The following THSD7B variants were observed in gnomAD, a reference collection of about 807,000 sequenced individuals.
The protein encoded by THSD7B is thrombospondin type-1 domain-containing protein 7B.
THSD7B carries 138 observed loss-of-function variants against 213.6 expected under a neutral mutation model. That is an observed-to-expected ratio of 0.65 (90% CI 0.56 to 0.74). The LOEUF (loss-of-function observed/expected upper bound fraction) is 0.74. THSD7B is among the 30% of genes least tolerant of loss of function. The probability of loss-of-function intolerance (pLI) is 0.00; values close to 1 mark genes in which losing one functional copy is unlikely to be tolerated. For synonymous variants in THSD7B, 742 were observed against 687.0 expected (o/e 1.08, Z -1.25); for missense variants, 1,931 against 1,991.5 (o/e 0.97, Z 0.58).
chr2:137,061,975 A>G (rs1687282374), intron 3 of THSD7B, among the ~76,000 whole-genome samples: 1 of 151,804 alleles, frequency 6.6e-6, no homozygotes, highest in African/African-American at 2.4e-5. Flanking sequence ...TCTGGACCTC[A>G]TGCTTTCTGA....
At chr2:137,162,032 T>A (rs902946642) in intron 6 of THSD7B, among the ~76,000 whole-genome samples, 4 of 152,192 alleles carry the variant, frequency 2.6e-5, no homozygotes, top group Non-Finnish European at 5.9e-5. Flanking sequence ...CAAGTAGATC[T>A]GGGAGACTCT....
At chr2:137,140,108 G>T (rs1390834666) in intron 5 of THSD7B, among the ~76,000 whole-genome samples, 1 of 152,008 alleles carries the variant, frequency 6.6e-6, no homozygotes, top group Admixed American at 6.6e-5. Flanking sequence ...TATTATAAAT[G>T]AATTGGCATA....
At chr2:137,408,793 C>T (rs1217492018) in intron 13 of THSD7B, among the ~76,000 whole-genome samples, 2 of 152,158 alleles carry the variant, frequency 1.3e-5, no homozygotes, top group Admixed American at 1.3e-4. Context: ...GTCTTCAAAG[C>T]CAGCAACATT....
At chr2:137,275,251 C>A (rs1682840426) in intron 11 of THSD7B, among the ~76,000 whole-genome samples, 1 of 152,062 alleles carries the variant, frequency 6.6e-6, no homozygotes, top group Admixed American at 6.6e-5. Flanking sequence ...ACAGCAGGTC[C>A]ATTCCTCTTT....
chr2:137,581,927 C>G (rs193057046), intron 17 of THSD7B, among the ~76,000 whole-genome samples: 24 of 151,490 alleles, frequency 1.6e-4, no homozygotes, highest in Middle Eastern at 6.8e-3. Flanking sequence ...TAAAAACTCC[C>G]TCTCTTTAAA....
intron 12 of THSD7B, among the ~76,000 whole-genome samples, chr2:137,405,274 C>T (rs1686489487): frequency 1.3e-5 from 2 of 149,784 alleles, no homozygotes; most frequent in Non-Finnish European, 3.0e-5. Context: ...TTTGTGTTAT[C>T]ATCTTACTCT....
intron 3 of THSD7B, among the ~76,000 whole-genome samples, chr2:137,078,498 C>T (rs1687677327): frequency 6.6e-6 from 1 of 152,066 alleles, no homozygotes; most frequent in Admixed American, 6.6e-5. Flanking sequence ...ATGTGTTTCT[C>T]TCCTCAGCTA....
intron 2 of THSD7B, among the ~76,000 whole-genome samples, chr2:136,958,758 T>TCAAC (rs1386305460): frequency 1.3e-5 from 2 of 152,204 alleles, no homozygotes; most frequent in African/African-American, 4.8e-5. Flanking sequence ...TTTCAGTTGA[T>TCAAC]TAGATCAAGC....
chr2:137,584,141 T>C (rs1681654859), intron 17 of THSD7B, among the ~76,000 whole-genome samples: 1 of 152,184 alleles, frequency 6.6e-6, no homozygotes, highest in African/African-American at 2.4e-5. Context: ...TCACTGTTCG[T>C]CTGTTATTGC....
intron 15 of THSD7B, among the ~76,000 whole-genome samples, chr2:137,486,170 T>C (rs1688438650): frequency 6.6e-6 from 1 of 152,132 alleles, no homozygotes; most frequent in Non-Finnish European, 1.5e-5. Flanking sequence ...GTAAATGGAC[T>C]AAATGCTCCA....
chr2:137,193,620 G>A (rs1013509582), intron 7 of THSD7B, among the ~76,000 whole-genome samples: 14 of 152,058 alleles, frequency 9.2e-5, no homozygotes, highest in African/African-American at 3.4e-4. Context: ...GCTCTTGGCA[G>A]GTCCTTTGTC....
At chr2:137,280,985 G>A (rs759509666) in intron 12 of THSD7B, among the ~76,000 whole-genome samples, 30 of 152,182 alleles carry the variant, frequency 2.0e-4, no homozygotes, top group Non-Finnish European at 3.8e-4. Context: ...TTATCAGCCC[G>A]TGAGTATACT....
intron 12 of THSD7B, among the ~76,000 whole-genome samples, chr2:137,286,092 C>G (rs1056426982): frequency 4.8e-5 from 7 of 145,126 alleles, no homozygotes; most frequent in African/African-American, 1.3e-4. Context: ...GAGAGAGACT[C>G]TGTCTAAAAA....
At chr2:137,658,216 T>A (rs1000030128) in intron 24 of THSD7B, among the ~76,000 whole-genome samples, 6 of 152,232 alleles carry the variant, frequency 3.9e-5, no homozygotes, top group African/African-American at 1.4e-4. Flanking sequence ...AATAATTTAC[T>A]TTAAGCTACT....
At chr2:136,916,360 A>G (rs1001984219) in intron 2 of THSD7B, among the ~76,000 whole-genome samples, 1 of 152,186 alleles carries the variant, frequency 6.6e-6, no homozygotes, top group African/African-American at 2.4e-5. Flanking sequence ...CATGAAGCAG[A>G]CCTGGTAAAA....
intron 1 of THSD7B, among the ~76,000 whole-genome samples, chr2:136,872,876 T>C (rs1458091386): frequency 1.4e-5 from 2 of 144,440 alleles, no homozygotes; most frequent in Admixed American, 6.9e-5. Context: ...TCCCAGCTAC[T>C]TGGATTTATA....
At chr2:137,217,823 A>T (rs1056833545) in intron 7 of THSD7B, among the ~76,000 whole-genome samples, 4 of 152,110 alleles carry the variant, frequency 2.6e-5, no homozygotes, top group African/African-American at 7.2e-5. Flanking sequence ...CATAAGATAC[A>T]TCATTTTCTT....
intron 1 of THSD7B, among the ~76,000 whole-genome samples, chr2:136,796,054 G>A (rs1682056307): frequency 6.6e-6 from 1 of 150,834 alleles, no homozygotes; most frequent in Non-Finnish European, 1.5e-5. Context: ...AAAGTGTTCT[G>A]TCCTCTCTGA....
chr2:136,923,216 C>T (rs1213994980), intron 2 of THSD7B, among the ~76,000 whole-genome samples: 1 of 152,064 alleles, frequency 6.6e-6, no homozygotes, highest in Non-Finnish European at 1.5e-5. Context: ...CAAGATTTGC[C>T]CTTTTTGGAC....
Sources: allele counts gnomAD v4.1 joint callset (sites outside exome capture counted in the v4.1 genomes callset), GRCh38; gene constraint gnomAD v4.1.1; transcripts MANE v1.5; gene names NCBI Gene and HGNC (gene_info 2026-07-23, HGNC 2026-07-21).